The following SLC6A6 variants were observed in gnomAD, a reference collection of about 807,000 sequenced individuals.
The protein encoded by SLC6A6 is solute carrier family 6 member 6, also known as sodium- and chloride-dependent taurine transporter.
SLC6A6 carries 16 observed loss-of-function variants against 68.8 expected under a neutral mutation model. The ratio of observed to expected loss-of-function variants is 0.23; its 90% CI spans 0.16 to 0.35. The LOEUF (loss-of-function observed/expected upper bound fraction) is 0.35. SLC6A6 is among the 10% of genes least tolerant of loss of function. The pLI, the probability that SLC6A6 is intolerant of heterozygous loss-of-function variation, is 1.00. For synonymous variants in SLC6A6, 312 were observed against 315.4 expected (o/e 0.99, Z 0.12); for missense variants, 474 against 802.8 (o/e 0.59, Z 4.95).
At chr3:14,483,046 CTGAT>C (rs3836356) in intron 14 of SLC6A6, among the ~76,000 whole-genome samples, 6,848 of 152,270 alleles carry the variant, frequency 0.045, 250 homozygotes, top group South Asian at 0.17. Context: ...GGTCTCTGCT[CTGAT>C]TGGTGAGTGC....
At chr3:14,449,558 T>G (rs1220712294) in intron 5 of SLC6A6, among the ~76,000 whole-genome samples, 2 of 152,204 alleles carry the variant, frequency 1.3e-5, no homozygotes, top group African/African-American at 4.8e-5. Flanking sequence ...GCCTCAGACA[T>G]TGACTGGCCT....
At chr3:14,467,468 T>TCGC (rs1372913251) in intron 7 of SLC6A6, among the ~76,000 whole-genome samples, 1 of 152,162 alleles carries the variant, frequency 6.6e-6, no homozygotes, top group African/African-American at 2.4e-5. Flanking sequence ...CTGGGCTGAA[T>TCGC]CGCCACTCTT....
At chr3:14,437,866 C>T (rs534694328) in intron 2 of SLC6A6, among the ~76,000 whole-genome samples, 15 of 151,580 alleles carry the variant, frequency 9.9e-5, no homozygotes, top group Non-Finnish European at 1.8e-4. Flanking sequence ...CTTGCTCTGT[C>T]GCCCAGGCTA....
chr3:14,425,076 T>G (rs564281811), intron 2 of SLC6A6, among the ~76,000 whole-genome samples: 1 of 152,360 alleles, frequency 6.6e-6, no homozygotes, highest in East Asian at 1.9e-4. Context: ...AGGCACGCCA[T>G]GAAAGATGGC....
chr3:14,456,753 A>G (rs1700376029), intron 5 of SLC6A6, among the ~76,000 whole-genome samples: 1 of 152,108 alleles, frequency 6.6e-6, no homozygotes, highest in African/African-American at 2.4e-5. Flanking sequence ...ACAGAGTCAC[A>G]CTTCACTCCC....
chr3:14,418,612 A>T (rs73815263), intron 2 of SLC6A6, among the ~76,000 whole-genome samples: 3,302 of 152,304 alleles, frequency 0.022, 139 homozygotes, highest in African/African-American at 0.075. Flanking sequence ...CAGCATGCTC[A>T]TATACTGCCG....
chr3:14,421,313 C>T lies in SLC6A6; in HGVS notation c.-12+4860C>T, dbSNP rs192697699. ...ACATACTCCATCCTCTAGAGATGTACTGTTAGGACCTGAGCTCAGGGGTCC... is the reference window on the plus strand; with the variant it reads ...ACATACTCCATCCTCTAGAGATGTATTGTTAGGACCTGAGCTCAGGGGTCC... On this transcript the variant is annotated intron_variant, in intron 2 of 14. Coordinates refer to ENST00000622186, the MANE Select transcript of SLC6A6 (RefSeq NM_003043.6). 3.3e-5 allele frequency among the ~76,000 whole-genome samples: 5 copies of T among 152,288 alleles called. No individual in the cohort carries two copies. The East Asian group carries it at 9.6e-4, about 29-fold the overall frequency.
rs147546223 is a variant in SLC6A6, at chr3:14,472,488, C to T, written c.1209+171C>T. 2.5e-4 allele frequency among the ~76,000 whole-genome samples: 38 copies of T among 152,298 alleles called. No homozygotes were observed. In the East Asian group the frequency reaches 6.4e-3, roughly 26 times the overall value. ...GACACCAGGAATAGAAAAAGCTCTG[C>T]GTCCCCAGAAAGTGCATTTGAACAA... On this transcript the variant is annotated intron_variant, in intron 10 of 14. Coordinates refer to ENST00000622186, the MANE Select transcript of SLC6A6 (RefSeq NM_003043.6). This position sits in a 1 kb window ranked among gnomAD's most constrained non-coding sequence, Gnocchi z 4.5.
At chr3:14,457,801 G>C in intron 5 of SLC6A6, 149 bp from the exon 6 acceptor site, 1 of 673,600 alleles carries the variant, frequency 1.5e-6, no homozygotes, top group South Asian at 1.8e-5. Context: ...GACAAATGGG[G>C]ATTCCTGGGT....
chr3:14,457,105 A>G (rs1700386312), intron 5 of SLC6A6, among the ~76,000 whole-genome samples: 1 of 152,146 alleles, frequency 6.6e-6, no homozygotes, highest in Admixed American at 6.5e-5. Context: ...GGGAGTAGGT[A>G]CTTGTGTGCT....
intron 5 of SLC6A6, among the ~76,000 whole-genome samples, chr3:14,452,578 G>A (rs1246365046): frequency 2.0e-5 from 3 of 152,180 alleles, no homozygotes; most frequent in African/African-American, 7.2e-5. Context: ...AGGTCACATT[G>A]TGCCACATGT....
At position 14,477,456 on chromosome 3, in the gene SLC6A6, C is replaced by A; in HGVS notation, c.1347+114C>A. ...CAGGTAGGGGCTTCATCTCCCAGCCCCACCCAATTCAGGGGTCCTGCTTGG... is the reference window on the plus strand; with the variant it reads ...CAGGTAGGGGCTTCATCTCCCAGCCACACCCAATTCAGGGGTCCTGCTTGG... On this transcript the variant is annotated intron_variant, in intron 11 of 14. Transcript: ENST00000622186. This position sits in a 1 kb window ranked among gnomAD's most constrained non-coding sequence, Gnocchi z 4.2. 1 of 1,087,046 alleles carries A rather than the reference C, an allele frequency of 9.2e-7. No individual in the cohort carries two copies. The allele number at this position is 1,087,046 out of a possible 1,614,324, so 67.3% of individuals were successfully genotyped here.
Position 14,441,406 on chromosome 3 carries a change from G to C in SLC6A6, c.-11-2218G>C, listed in dbSNP as rs1451457649. 2.6e-5 allele frequency among the ~76,000 whole-genome samples: 4 copies of C among 152,136 alleles called. No individual in the cohort carries two copies. The East Asian group carries it at 7.7e-4, about 29-fold the overall frequency. On this transcript the variant is annotated intron_variant, in intron 2 of 14. Transcript: ENST00000622186. ...GGCTGCTAGGACTATTTTTACAGTA[G>C]CCATTGGCCTGTCGAATCCCGCGCC... is the stretch of plus-strand genomic sequence containing the variant.
At chr3:14,414,641 T>C (rs2124902904) in intron 1 of SLC6A6, among the ~76,000 whole-genome samples, 1 of 152,226 alleles carries the variant, frequency 6.6e-6, no homozygotes, top group East Asian at 1.9e-4. Context: ...TCCTCCCACC[T>C]CAGCCTCCCA....
At chr3:14,465,592 C>T (rs1700598700) in intron 6 of SLC6A6, among the ~76,000 whole-genome samples, 2 of 152,212 alleles carry the variant, frequency 1.3e-5, no homozygotes, top group African/African-American at 4.8e-5. Context: ...CTGAATTCTA[C>T]TCATGAGGAA....
intron 2 of SLC6A6, among the ~76,000 whole-genome samples, chr3:14,425,990 C>G (rs73815274): frequency 0.03 from 4,642 of 152,290 alleles, 216 homozygotes; most frequent in African/African-American, 0.1. Flanking sequence ...CACTGGGCCT[C>G]GCGCAGCCAG....
At chr3:14,446,654 C>G (rs1036730037) in intron 4 of SLC6A6, among the ~76,000 whole-genome samples, 1 of 152,186 alleles carries the variant, frequency 6.6e-6, no homozygotes, top group Non-Finnish European at 1.5e-5. Flanking sequence ...TCATTAACTC[C>G]CCTTGATAGT....
intron 5 of SLC6A6, 60 bp downstream of exon 5, chr3:14,447,876 CT>C: frequency 6.3e-7 from 1 of 1,591,642 alleles, no homozygotes; most frequent in Non-Finnish European, 8.6e-7. Context: ...GGATGGCCCA[CT>C]TCCTTATCTC....
intron 5 of SLC6A6, among the ~76,000 whole-genome samples, chr3:14,455,428 T>C (rs574312939): frequency 6.6e-6 from 1 of 152,350 alleles, no homozygotes; most frequent in South Asian, 2.1e-4. Flanking sequence ...TCAGCCAGCT[T>C]GCCCTGAAGA....
Sources: allele counts gnomAD v4.1 joint callset (sites outside exome capture counted in the v4.1 genomes callset), GRCh38; gene constraint gnomAD v4.1.1; non-coding constraint Gnocchi (gnomAD v3.1); transcripts MANE v1.5; gene names NCBI Gene and HGNC (gene_info 2026-07-23, HGNC 2026-07-21).